The following PCDHGA1 variants were observed in gnomAD, a reference collection of about 807,000 sequenced individuals.
The protein encoded by PCDHGA1 is protocadherin gamma-A1.
In PCDHGA1, 32 loss-of-function variants were observed where a neutral mutation model predicts 58.0. The ratio of observed to expected loss-of-function variants is 0.55; its 90% CI spans 0.42 to 0.74. The LOEUF is 0.74. Among genes scored for constraint, PCDHGA1 ranks in the 30% least tolerant of loss-of-function variants. PCDHGA1 has a pLI of 0.00. For synonymous variants in PCDHGA1, 498 were observed against 501.1 expected, an observed-to-expected ratio of 0.99 and a Z score of 0.08; for missense variants, 1,205 against 1,182.3, an observed-to-expected ratio of 1.02 and a Z score of -0.28.
chr5:141,427,928 G>A (rs1178662640), intron 1 of PCDHGA1: 2 of 1,583,504 alleles, frequency 1.3e-6, no homozygotes. Flanking sequence ...GCCGGCGCAT[G>A]TTGGTGGGCG....
At chr5:141,360,004 C>T in intron 1 of PCDHGA1, 1 of 1,185,444 alleles carries the variant, frequency 8.4e-7, no homozygotes, top group South Asian at 1.9e-5. Context: ...CTGCACAAAC[C>T]AACCACACAG....
chr5:141,383,462 A>G (rs2072315), intron 1 of PCDHGA1: 731,761 of 1,613,122 alleles, frequency 0.45, 173,214 homozygotes, highest in African/African-American at 0.81. Flanking sequence ...GGAGACGATG[A>G]AACTAAGTAC....
intron 1 of PCDHGA1, chr5:141,419,707 C>T (rs781629810): frequency 4.6e-5 from 74 of 1,613,062 alleles, no homozygotes; most frequent in Middle Eastern, 1.7e-4. Flanking sequence ...AGCCCGGGCT[C>T]TTCAGCCTGG....
intron 1 of PCDHGA1, chr5:141,383,360 T>C (rs1319923403): frequency 6.2e-7 from 1 of 1,614,006 alleles, no homozygotes; most frequent in Admixed American, 1.7e-5. Flanking sequence ...CGGTTTCCGT[T>C]AAGCGAGGCT....
intron 1 of PCDHGA1, chr5:141,379,437 A>G (rs1344530566): frequency 6.6e-6 from 1 of 152,252 alleles, no homozygotes; most frequent in Non-Finnish European, 1.5e-5. Context: ...GGGCTGTTAT[A>G]CATATGATTA....
intron 1 of PCDHGA1, among the ~76,000 whole-genome samples, chr5:141,488,463 C>T (rs926068842): frequency 6.6e-6 from 1 of 152,164 alleles, no homozygotes; most frequent in African/African-American, 2.4e-5. Flanking sequence ...GATTCAGCCC[C>T]AGAAATGTTC....
At chr5:141,366,054 T>C in intron 1 of PCDHGA1, 2 of 1,614,220 alleles carry the variant, frequency 1.2e-6, no homozygotes, top group Non-Finnish European at 1.7e-6. Flanking sequence ...TCCACGGGCG[T>C]GGAGCTGGCG....
Position 141,432,562 on chromosome 5 carries a change from C to G in PCDHGA1, c.2422-62245C>G. On this transcript the variant is annotated intron_variant, in intron 1 of 3. Coordinates refer to ENST00000517417, the MANE Select transcript of PCDHGA1 (RefSeq NM_018912.3). The surrounding 1 kb of genome is among the most constrained non-coding windows in gnomAD (Gnocchi z 6.0). ...CGGTGGACAGAGACTCCGGCCAGAA[C>G]GCCTGGCTGTCCTACCGTCTGCTCA... 1 of 1,613,964 alleles carries G rather than the reference C, an allele frequency of 6.2e-7. No homozygotes were observed. Among genetic ancestry groups the G allele is most frequent in the Non-Finnish European group, 8.5e-7 (1 of 1,180,004 alleles).
At chr5:141,447,834 C>T (rs2098552835) in intron 1 of PCDHGA1, among the ~76,000 whole-genome samples, 1 of 151,844 alleles carries the variant, frequency 6.6e-6, no homozygotes, top group African/African-American at 2.4e-5. Flanking sequence ...GCCTGTAATC[C>T]CAGTGCTTTG....
intron 1 of PCDHGA1, chr5:141,361,752 G>A (rs1860253): frequency 6.2e-7 from 1 of 1,613,012 alleles, no homozygotes; most frequent in East Asian, 2.2e-5. Flanking sequence ...ACCAGGGCTC[G>A]CCCGCGCTCA....
chr5:141,500,937 C>G (rs910002814), intron 2 of PCDHGA1, among the ~76,000 whole-genome samples: 1 of 151,804 alleles, frequency 6.6e-6, no homozygotes, highest in Non-Finnish European at 1.5e-5. Context: ...GGCGCCATCT[C>G]GGCTCACTGC....
chr5:141,355,171 A>G (rs1759739774), intron 1 of PCDHGA1: 1 of 1,572,286 alleles, frequency 6.4e-7, no homozygotes, highest in East Asian at 2.2e-5. Flanking sequence ...GGGAAAACCG[A>G]AGCACAGGCG....
chr5:141,347,969 A>G (rs755614604), intron 1 of PCDHGA1, among the ~76,000 whole-genome samples: 1 of 152,216 alleles, frequency 6.6e-6, no homozygotes, highest in Non-Finnish European at 1.5e-5. Context: ...TGAGAAGGAC[A>G]TCAAAAACAT....
intron 2 of PCDHGA1, among the ~76,000 whole-genome samples, chr5:141,496,040 AT>A (rs2099765531): frequency 1.3e-5 from 2 of 150,356 alleles, no homozygotes; most frequent in Admixed American, 6.6e-5. Flanking sequence ...TCTGTCTCTC[AT>A]TTTTTTGTGC....
In PCDHGA1 at chr5:141,476,149, A is replaced by T. The variant is rs1042362185; in HGVS notation, c.2422-18658A>T. The stretch of plus-strand genomic sequence containing the variant: ...CAGAGGCCTGGAGGAGCGGACTGGT[A>T]AGCACCGGGAGGGTAGTGGGAGTTT... On this transcript the variant is annotated intron_variant, in intron 1 of 3. Transcript: ENST00000517417. This position sits in a 1 kb window ranked among gnomAD's most constrained non-coding sequence, Gnocchi z 7.6. 4 of 1,611,688 alleles carry T rather than the reference A, an allele frequency of 2.5e-6. No individual in the cohort carries two copies. In the African/African-American group the frequency reaches 5.3e-5, roughly 22 times the overall value.
chr5:141,347,073 C>G (rs1757861133), intron 1 of PCDHGA1, among the ~76,000 whole-genome samples: 1 of 148,398 alleles, frequency 6.7e-6, no homozygotes, highest in Non-Finnish European at 1.5e-5. Flanking sequence ...CTTCCTTCCT[C>G]TCTCTCTTTC....
intron 1 of PCDHGA1, chr5:141,370,299 G>A (rs914086562): frequency 8.6e-7 from 1 of 1,160,314 alleles, no homozygotes; most frequent in African/African-American, 1.5e-5. Flanking sequence ...CAAGCACAAA[G>A]ACAAAGCAAA....
intron 1 of PCDHGA1, chr5:141,408,762 A>G (rs369793035): frequency 1.9e-5 from 30 of 1,610,942 alleles, no homozygotes; most frequent in Non-Finnish European, 2.3e-5. Flanking sequence ...GTTAATTCCG[A>G]TGGTGGCAAA....
rs947567666 is a variant in PCDHGA1, at chr5:141,422,270, T to C, written c.2422-72537T>C. ...GATGTGAATGATAACGCTCCAGAAA[T>C]AACTATCACCTCTTCTATTAATTCA... On this transcript the variant is annotated intron_variant, in intron 1 of 3. Transcript: ENST00000517417. 2.6e-6 allele frequency: 4 copies of C among 1,562,452 alleles called. No homozygotes were observed. The East Asian group carries it at 9.0e-5, about 35-fold the overall frequency.
Sources: gnomAD v4.1 joint callset for allele counts (sites outside exome capture counted in the v4.1 genomes callset) on GRCh38, gnomAD v4.1.1 for gene constraint, Gnocchi (gnomAD v3.1) non-coding constraint, MANE v1.5 for transcripts, NCBI Gene and HGNC (gene_info 2026-07-23, HGNC 2026-07-21) for gene names.